The following ITGA1 variants were observed in gnomAD, a reference collection of about 807,000 sequenced individuals.
The protein encoded by ITGA1 is integrin subunit alpha 1.
A neutral mutation model predicts 145.9 loss-of-function variants in ITGA1; 85 were observed. That is an observed-to-expected ratio of 0.58 (90% CI 0.49 to 0.70). The LOEUF (loss-of-function observed/expected upper bound fraction) is 0.70. Among genes scored for constraint, ITGA1 ranks in the 30% least tolerant of loss-of-function variants. The probability of loss-of-function intolerance (pLI) is 0.00; values close to 1 mark genes in which losing one functional copy is unlikely to be tolerated. For missense variants in ITGA1, 1,351 were observed against 1,418.7 expected, an observed-to-expected ratio of 0.95 and a Z score of 0.77; for synonymous variants, 520 against 495.3, an observed-to-expected ratio of 1.05 and a Z score of -0.66.
chr5:52,788,507 AAG>A, intron 1 of ITGA1, 93 bp downstream of exon 1: 1 of 1,075,882 alleles, frequency 9.3e-7, no homozygotes, highest in African/African-American at 1.7e-5. Context: ...GCCAGATAGG[AAG>A]AGAGAGCGCC....
chr5:52,914,136 A>G (rs573159689), intron 14 of ITGA1, among the ~76,000 whole-genome samples: 2 of 152,354 alleles, frequency 1.3e-5, no homozygotes, highest in African/African-American at 4.8e-5. Context: ...GTGGTAAATC[A>G]AGATGCAACT....
At chr5:52,816,169 C>A (rs531380768) in intron 1 of ITGA1, among the ~76,000 whole-genome samples, 3 of 152,168 alleles carry the variant, frequency 2.0e-5, no homozygotes, top group African/African-American at 7.2e-5. Context: ...CAGAGTAATG[C>A]TCCAAACATT....
chr5:52,924,518 G>A (rs1293971079), intron 18 of ITGA1, among the ~76,000 whole-genome samples: 4 of 152,236 alleles, frequency 2.6e-5, no homozygotes, highest in South Asian at 2.1e-4. Context: ...GGCAGGGGCC[G>A]GGTCATTCGG....
chr5:52,827,360 A>G (rs535386710), intron 1 of ITGA1, among the ~76,000 whole-genome samples: 48 of 152,198 alleles, frequency 3.2e-4, no homozygotes, highest in Non-Finnish European at 6.6e-4. Flanking sequence ...GTGTCTTGAG[A>G]TGAAATCAAT....
At chr5:52,874,142 G>A (rs1041786216) in intron 6 of ITGA1, among the ~76,000 whole-genome samples, 5 of 152,084 alleles carry the variant, frequency 3.3e-5, no homozygotes, top group Non-Finnish European at 4.4e-5. Flanking sequence ...CAGCTGTTCA[G>A]CTTCTGGTGA....
chr5:52,795,756 T>C (rs12188019), intron 1 of ITGA1, among the ~76,000 whole-genome samples: 39,774 of 151,806 alleles, frequency 0.26, 5,548 homozygotes, highest in Non-Finnish European at 0.31. Context: ...CTCTATAATT[T>C]ATTAATATCA....
intron 1 of ITGA1, among the ~76,000 whole-genome samples, chr5:52,816,061 G>A (rs1748763147): frequency 6.6e-6 from 1 of 152,038 alleles, no homozygotes; most frequent in African/African-American, 2.4e-5. Context: ...TGATTATTGA[G>A]GTGACTTACT....
rs1441667942 is a variant in ITGA1 at position 52,911,564 on chromosome 5, AC to A, written c.1857+1146del. ...TACATATACTATATATAGTGTATCT[AC>A]TATATATACTATATATATAGTGTAT... On this transcript the variant is annotated intron_variant, in intron 14 of 28. Coordinates refer to ENST00000282588, the MANE Select transcript of ITGA1 (RefSeq NM_181501.2). 3.7e-4 allele frequency among the ~76,000 whole-genome samples: 20 copies of A among 53,656 alleles called. 2 individuals are homozygous for A. Among genetic ancestry groups the A allele is most frequent in the Non-Finnish European group, 3.6e-4 (8 of 22,250 alleles). 35.2% of individuals were successfully genotyped at this position (53,656 alleles called of 152,430 possible).
chr5:52,896,270 G>C (rs1750222035), intron 9 of ITGA1, among the ~76,000 whole-genome samples: 1 of 152,202 alleles, frequency 6.6e-6, no homozygotes, highest in Non-Finnish European at 1.5e-5. Flanking sequence ...AGGCAGAATA[G>C]CGGCAGGGCA....
At chr5:52,905,591 C>A in intron 11 of ITGA1, 172 bp from the exon 12 acceptor site, 1 of 457,116 alleles carries the variant, frequency 2.2e-6, no homozygotes, top group Non-Finnish European at 3.8e-6. Context: ...AGATAGAGAG[C>A]ATATTAAAAG....
intron 1 of ITGA1, among the ~76,000 whole-genome samples, chr5:52,818,162 G>A (rs1748807015): frequency 1.3e-5 from 2 of 152,020 alleles, no homozygotes; most frequent in Non-Finnish European, 2.9e-5. Context: ...TATATGCTTA[G>A]ATTAACTCAG....
intron 1 of ITGA1, among the ~76,000 whole-genome samples, chr5:52,804,518 G>C (rs1175646765): frequency 6.6e-6 from 1 of 152,140 alleles, no homozygotes; most frequent in Non-Finnish European, 1.5e-5. Context: ...GATGCCACTA[G>C]AGTAGCTTTG....
chr5:52,796,927 C>G (rs1748353466), intron 1 of ITGA1, among the ~76,000 whole-genome samples: 1 of 151,988 alleles, frequency 6.6e-6, no homozygotes, highest in Admixed American at 6.6e-5. Flanking sequence ...GTTAAGGTAG[C>G]AAACGAGAAA....
At chr5:52,801,145 A>G (rs2111664103) in intron 1 of ITGA1, 1 of 1,569,804 alleles carries the variant, frequency 6.4e-7, no homozygotes, top group Non-Finnish European at 8.6e-7. Flanking sequence ...CCCAGGGATA[A>G]TTAAGAATGG....
chr5:52,949,439 T>C (rs1421926), intron 28 of ITGA1, among the ~76,000 whole-genome samples: 111,159 of 152,024 alleles, frequency 0.73, 40,790 homozygotes, highest in Middle Eastern at 0.81. Context: ...CTGGTGTCCT[T>C]GCAACAATCT....
chr5:52,794,651 TA>T (rs544902977), intron 1 of ITGA1, among the ~76,000 whole-genome samples: 2,209 of 142,178 alleles, frequency 0.016, 31 homozygotes, highest in Non-Finnish European at 0.022. Context: ...ACAAGTTCCT[TA>T]AAAAAAAAAA....
At chr5:52,911,264 A>G (rs1021933415) in intron 14 of ITGA1, among the ~76,000 whole-genome samples, 2 of 135,996 alleles carry the variant, frequency 1.5e-5, no homozygotes, top group Non-Finnish European at 3.1e-5. Flanking sequence ...GTGTATATAT[A>G]GTATATGTAG....
rs1750833566 is a variant in ITGA1, at chr5:52,927,737, T to A, written c.2694+73T>A. On this transcript the variant is annotated intron_variant, in intron 20 of 28. Transcript: ENST00000282588. Reference sequence around the variant, plus strand: ...ATATGTGCAAAGACAAATATATAAATCCTTCCAATGGTAGTTTAGGATAAT... The same window carrying A: ...ATATGTGCAAAGACAAATATATAAAACCTTCCAATGGTAGTTTAGGATAAT... 4.1e-6 allele frequency: 4 copies of A among 968,674 alleles called. No homozygotes were observed. In the East Asian group the frequency reaches 9.7e-5, roughly 24 times the overall value. The allele number at this position is 968,674 out of a possible 1,614,324, so 60.0% of individuals were successfully genotyped here.
rs75417946 is a variant in ITGA1, at chr5:52,880,593, A to T, written c.625-1280A>T. On this transcript the variant is annotated intron_variant, in intron 6 of 28. Transcript: ENST00000282588. Reference sequence around the variant, plus strand: ...AGAGGAGCCTGGAAACCAGTTACTGAGCCTTCATGCTACTTAAGAATAAGG... The same window carrying T: ...AGAGGAGCCTGGAAACCAGTTACTGTGCCTTCATGCTACTTAAGAATAAGG... Among the ~76,000 whole-genome samples, 436 of 152,336 alleles carry T rather than the reference A, an allele frequency of 2.9e-3. 4 individuals carry two copies. Among genetic ancestry groups the T allele is most frequent in the African/African-American group, 9.9e-3 (412 of 41,564 alleles).
Sources: allele counts gnomAD v4.1 joint callset (sites outside exome capture counted in the v4.1 genomes callset), GRCh38; gene constraint gnomAD v4.1.1; transcripts MANE v1.5; gene names NCBI Gene and HGNC (gene_info 2026-07-23, HGNC 2026-07-21).